The following ZMYM4 variants were observed in gnomAD, a reference collection of about 807,000 sequenced individuals.
ZMYM4 encodes zinc finger MYM-type protein 4.
In ZMYM4, 31 loss-of-function variants were observed where a neutral mutation model predicts 183.2. The observed-to-expected ratio is 0.17, with a 90% CI of 0.13 to 0.23. ZMYM4 has a LOEUF of 0.23. ZMYM4 is among the 10% of genes least tolerant of loss of function. The pLI, the probability that ZMYM4 is intolerant of heterozygous loss-of-function variation, is 1.00. For synonymous variants in ZMYM4, 592 were observed against 631.2 expected (o/e 0.94, Z 0.93); for missense variants, 1,273 against 1,840.3 (o/e 0.69, Z 5.64).
At chr1:35,386,558 G>T (rs1444854044) in intron 11 of ZMYM4, among the ~76,000 whole-genome samples, 1 of 152,092 alleles carries the variant, frequency 6.6e-6, no homozygotes, top group African/African-American at 2.4e-5. Context: ...CCCAACATTG[G>T]GGATTACCGA....
chr1:35,388,556 G>C (rs10908393), intron 13 of ZMYM4, among the ~76,000 whole-genome samples: 8,248 of 152,032 alleles, frequency 0.054, 477 homozygotes, highest in East Asian at 0.25. Context: ...TCTCTTCTGT[G>C]CTATCCTGTC....
Position 35,389,654 on chromosome 1 carries a change from C to A in ZMYM4, c.2437-294C>A, listed in dbSNP as rs2148986722. ...CCTGTAGTCCCAGCTACCTGGGAGG[C>A]TGAGGCAGGAGAATTGCATGAACCC... On this transcript the variant is annotated intron_variant, in intron 14 of 29. Coordinates refer to ENST00000314607, the MANE Select transcript of ZMYM4 (RefSeq NM_005095.3). This position sits in a 1 kb window ranked among gnomAD's most constrained non-coding sequence, Gnocchi z 4.0. Among the ~76,000 whole-genome samples, 1 of 151,634 alleles carries A rather than the reference C, an allele frequency of 6.6e-6. No individual in the cohort carries two copies. Among genetic ancestry groups the A allele is most frequent in the African/African-American group, 2.4e-5 (1 of 41,328 alleles).
chr1:35,347,822 T>A (rs544042877), intron 2 of ZMYM4, among the ~76,000 whole-genome samples: 1 of 152,322 alleles, frequency 6.6e-6, no homozygotes, highest in African/African-American at 2.4e-5. Flanking sequence ...AAAATGACTT[T>A]TGTATTTATT....
intron 1 of ZMYM4, among the ~76,000 whole-genome samples, chr1:35,296,330 C>G (rs1487284896): frequency 6.6e-6 from 1 of 152,042 alleles, no homozygotes; most frequent in Non-Finnish European, 1.5e-5. Flanking sequence ...ATCTAAGTTT[C>G]AGTCAACAAC....
intron 1 of ZMYM4, among the ~76,000 whole-genome samples, chr1:35,280,052 A>G (rs1421784711): frequency 6.6e-6 from 1 of 151,496 alleles, no homozygotes; most frequent in Non-Finnish European, 1.5e-5. Flanking sequence ...CTTTCAGCCC[A>G]TTACCCAATT....
chr1:35,352,648 G>A lies in ZMYM4; in HGVS notation c.86-6277G>A, dbSNP rs570128414. Among the ~76,000 whole-genome samples, 48 of 152,230 alleles carry A rather than the reference G, an allele frequency of 3.2e-4. No homozygotes were observed. In the South Asian group the frequency reaches 6.0e-3, roughly 19 times the overall value. On this transcript the variant is annotated intron_variant, in intron 2 of 29. Coordinates refer to ENST00000314607, the MANE Select transcript of ZMYM4 (RefSeq NM_005095.3). The stretch of plus-strand genomic sequence containing the variant: ...AGTCTTCATTTTATCAGTCATCTCA[G>A]CAGCATTCATTATGGTTCAGGCACT...
Position 35,371,062 on chromosome 1 carries a change from AGTGTGTGT to A in ZMYM4, c.1181+473_1181+480del, listed in dbSNP as rs67591506. On this transcript the variant is annotated intron_variant, in intron 7 of 29. Coordinates refer to ENST00000314607, the MANE Select transcript of ZMYM4 (RefSeq NM_005095.3). ...TTCTTCTTAACCTTAAATGGCTTCC[AGTGTGTGT>A]GTGTGTGTGTGTGTGTGTGTGTGTG... 2.5e-3 allele frequency among the ~76,000 whole-genome samples: 318 copies of A among 126,164 alleles called. 4 individuals are homozygous for A. The highest frequency in any genetic ancestry group is 0.019 in the East Asian group (87 of 4,580). The allele number at this position is 126,164 out of a possible 152,430, so 82.8% of individuals were successfully genotyped here.
chr1:35,380,580 C>G (rs1644434921), intron 7 of ZMYM4, among the ~76,000 whole-genome samples: 1 of 152,202 alleles, frequency 6.6e-6, no homozygotes. Context: ...CCAGCCTCAG[C>G]CTCCCAAAGC....
intron 2 of ZMYM4, among the ~76,000 whole-genome samples, chr1:35,357,835 A>T (rs1643867892): frequency 6.6e-6 from 1 of 152,188 alleles, no homozygotes; most frequent in Non-Finnish European, 1.5e-5. Flanking sequence ...AGCAAAGGTA[A>T]GTGTTATGGA....
At chr1:35,411,652 A>G (rs1303674769) in intron 26 of ZMYM4, among the ~76,000 whole-genome samples, 1 of 152,216 alleles carries the variant, frequency 6.6e-6, no homozygotes, top group Non-Finnish European at 1.5e-5. Context: ...TTGGATTTTG[A>G]TATGATTGCA....
chr1:35,382,585 G>A (rs1644489438), intron 9 of ZMYM4, among the ~76,000 whole-genome samples: 1 of 151,366 alleles, frequency 6.6e-6, no homozygotes. Context: ...TAGGATTACA[G>A]GCGCCCACCA....
At chr1:35,352,427 C>G (rs1044895739) in intron 2 of ZMYM4, among the ~76,000 whole-genome samples, 3 of 150,610 alleles carry the variant, frequency 2.0e-5, no homozygotes, top group Admixed American at 1.3e-4. Context: ...CACACACAGC[C>G]AAAGTCCTAA....
chr1:35,391,151 AGT>A (rs1007865128), intron 15 of ZMYM4, among the ~76,000 whole-genome samples: 4 of 152,216 alleles, frequency 2.6e-5, no homozygotes, highest in Admixed American at 2.0e-4. Flanking sequence ...TATTGGAGAA[AGT>A]GTGAAAATAT....
intron 2 of ZMYM4, among the ~76,000 whole-genome samples, chr1:35,343,913 T>C (rs1426558407): frequency 1.3e-5 from 2 of 152,000 alleles, no homozygotes; most frequent in East Asian, 3.9e-4. Flanking sequence ...CTCTTGTAGT[T>C]ACACATACAT....
chr1:35,284,938 C>T (rs547639258), intron 1 of ZMYM4, among the ~76,000 whole-genome samples: 8 of 152,268 alleles, frequency 5.3e-5, no homozygotes, highest in African/African-American at 1.9e-4. Flanking sequence ...GTTAAGGCTT[C>T]AACATATGAA....
intron 9 of ZMYM4, among the ~76,000 whole-genome samples, chr1:35,382,474 G>A (rs1214099807): frequency 1.4e-5 from 2 of 141,684 alleles, no homozygotes; most frequent in African/African-American, 5.3e-5. Context: ...TTTTTGAGAT[G>A]GAGCCTTGCA....
intron 26 of ZMYM4, among the ~76,000 whole-genome samples, chr1:35,410,034 A>T (rs557429621): frequency 6.6e-6 from 1 of 152,208 alleles, no homozygotes; most frequent in African/African-American, 2.4e-5. Context: ...TGAGCGCTTC[A>T]GGAAGCTTCC....
At chr1:35,387,301 T>TGGC in intron 12 of ZMYM4, 23 bp downstream of exon 12, 2 of 1,608,368 alleles carry the variant, frequency 1.2e-6, no homozygotes, top group Non-Finnish European at 1.7e-6. Context: ...ATGTTCATGA[T>TGGC]AAGATTTTGA....
chr1:35,271,960 C>T (rs1320660047), intron 1 of ZMYM4, among the ~76,000 whole-genome samples: 1 of 152,108 alleles, frequency 6.6e-6, no homozygotes, highest in Non-Finnish European at 1.5e-5. Context: ...GAAACCCCCT[C>T]TCTAGAAAAA....
Sources: allele counts gnomAD v4.1 joint callset (sites outside exome capture counted in the v4.1 genomes callset), GRCh38; gene constraint gnomAD v4.1.1; non-coding constraint Gnocchi (gnomAD v3.1); transcripts MANE v1.5; gene names NCBI Gene and HGNC (gene_info 2026-07-23, HGNC 2026-07-21).